PM20D2: variants seen among roughly 807,000 people sequenced by gnomAD.
The protein encoded by PM20D2 is peptidase M20 domain containing 2.
Under a neutral mutation model 42.9 loss-of-function variants are expected in PM20D2, and 33 were observed. The observed-to-expected ratio is 0.77, with a 90% CI of 0.58 to 1.03. The LOEUF is 1.03. PM20D2 is among the 50% of genes least tolerant of loss of function. PM20D2 has a pLI of 0.00. For missense variants in PM20D2, 548 were observed against 557.0 expected (o/e 0.98, Z 0.16); for synonymous variants, 250 against 228.2 (o/e 1.10, Z -0.86).
the PM20D2 span, among the ~76,000 whole-genome samples, chr6:89,132,056 G>T: frequency 6.6e-6 from 1 of 152,120 alleles, no homozygotes; most frequent in East Asian, 1.9e-4. Flanking sequence ...GTAATCAAAA[G>T]TACTGAGCCT....
the PM20D2 span, among the ~76,000 whole-genome samples, chr6:89,132,920 T>C: frequency 1.9e-3 from 281 of 150,372 alleles, 17 homozygotes; most frequent in African/African-American, 6.7e-3. Context: ...TTTTTTAGCA[T>C]TTTAAAAACT....
At chr6:89,106,929 C>T in the PM20D2 span, 2 of 566,468 alleles carry the variant, frequency 3.5e-6, no homozygotes, top group Admixed American at 2.2e-5. Context: ...ACTTTAGGTG[C>T]CTTTTGTCTC....
the PM20D2 span, among the ~76,000 whole-genome samples, chr6:89,101,109 C>CAAAAAAAAAA: frequency 1.8e-5 from 1 of 54,640 alleles, no homozygotes; most frequent in East Asian, 5.7e-4. Context: ...ACCTCCAAGA[C>CAAAAAAAAAA]AAAAAAAAAA....
rs552576517 is a variant in PM20D2 at position 89,164,351 on chromosome 6, G to C, written c.*2088G>C. Reference sequence around the variant, plus strand: ...GAGGAGTGCCTATTTCTAAGCACTGGGTGTAAGAAGAAAAGACACTTGCAA... The same window carrying C: ...GAGGAGTGCCTATTTCTAAGCACTGCGTGTAAGAAGAAAAGACACTTGCAA... On this transcript the variant is annotated 3_prime_UTR_variant, in exon 7 of 7. Transcript: ENST00000275072. 2 of 152,586 alleles carry C rather than the reference G, an allele frequency of 1.3e-5. No homozygotes were observed. The highest frequency in any genetic ancestry group is 4.8e-5 in the African/African-American group (2 of 41,512). 9.5% of individuals were successfully genotyped at this position (152,586 alleles called of 1,614,324 possible).
At chr6:89,115,541 T>G in the PM20D2 span, among the ~76,000 whole-genome samples, 81 of 150,730 alleles carry the variant, frequency 5.4e-4, 1 homozygote, top group African/African-American at 1.9e-3. Flanking sequence ...CTCGGTCTCC[T>G]AAAGTGCTGG....
the PM20D2 span, among the ~76,000 whole-genome samples, chr6:89,111,211 C>A: frequency 6.6e-6 from 1 of 151,768 alleles, no homozygotes; most frequent in Non-Finnish European, 1.5e-5. Flanking sequence ...CAGGTTCAAG[C>A]TATTCTCGTG....
chr6:89,130,819 C>CTTTTTTTTTTTTTTTTT, the PM20D2 span, among the ~76,000 whole-genome samples: 19 of 24,054 alleles, frequency 7.9e-4, 1 homozygote, highest in African/African-American at 2.4e-3. Context: ...GCTTCTTCTT[C>CTTTTTTTTTTTTTTTTT]TTTTTTTTTT....
At position 89,146,316 on chromosome 6, in the gene PM20D2, G is replaced by A. The variant is rs1435468181; in HGVS notation, c.172G>A (p.Ala58Thr). ...QPELAYEEHHAHRVLTHFFER... is the reference protein window; with the variant it reads ...QPELAYEEHHTHRVLTHFFER... ...CGAGCTGGCCTACGAGGAGCACCAT[G>A]CCCACCGCGTGCTGACGCACTTCTT... is the stretch of plus-strand genomic sequence containing the variant. The change falls in exon 1 of 7, where the codon GCC becomes ACC. Residue 58 changes from alanine (A) to threonine (T), a missense_variant. Around this residue, in one of 3 missense-constraint regions of PM20D2, gnomAD observed 470 missense variants for 464.4 expected, o/e 1.01. Coordinates refer to ENST00000275072, the MANE Select transcript of PM20D2 (RefSeq NM_001010853.3). The A allele has an allele frequency of 1.9e-6, 3 of 1,579,018 alleles. No homozygotes were observed. Among genetic ancestry groups the A allele is most frequent in the South Asian group, 1.1e-5 (1 of 88,088 alleles).
the PM20D2 span, among the ~76,000 whole-genome samples, chr6:89,120,587 A>C: frequency 6.6e-6 from 1 of 152,166 alleles, no homozygotes; most frequent in Non-Finnish European, 1.5e-5. Flanking sequence ...TATATTGGCC[A>C]GGCGTGGTGA....
chr6:89,115,355 C>T, the PM20D2 span, among the ~76,000 whole-genome samples: 2 of 152,066 alleles, frequency 1.3e-5, no homozygotes, highest in African/African-American at 2.4e-5. Context: ...GATCTCGGCT[C>T]ACTGCCAACC....
At chr6:89,125,207 G>A in the PM20D2 span, among the ~76,000 whole-genome samples, 4 of 152,202 alleles carry the variant, frequency 2.6e-5, no homozygotes, top group Non-Finnish European at 4.4e-5. Flanking sequence ...CTCACCGGGC[G>A]CGGTAGCTCA....
At chr6:89,115,164 C>T in the PM20D2 span, among the ~76,000 whole-genome samples, 1 of 152,056 alleles carries the variant, frequency 6.6e-6, no homozygotes, top group East Asian at 1.9e-4. Flanking sequence ...GTGATGTGAT[C>T]ATCGTTCACT....
chr6:89,117,518 A>C, the PM20D2 span, among the ~76,000 whole-genome samples: 1 of 152,146 alleles, frequency 6.6e-6, no homozygotes, highest in South Asian at 2.1e-4. Flanking sequence ...TGAGCTCGGG[A>C]GAGGGGCGCC....
At chr6:89,118,073 G>T in the PM20D2 span, 1 of 223,588 alleles carries the variant, frequency 4.5e-6, no homozygotes, top group South Asian at 1.6e-4. Flanking sequence ...CGCCAGCCTG[G>T]ACGCACGGGC....
intron 5 of PM20D2, among the ~76,000 whole-genome samples, 154 bp from the exon 6 acceptor site, chr6:89,161,627 AGT>A (rs1771239958): frequency 6.6e-6 from 1 of 152,218 alleles, no homozygotes; most frequent in Non-Finnish European, 1.5e-5. Context: ...TGGCAGACTC[AGT>A]GGAAGGTGAG....
Position 89,158,497 on chromosome 6 carries a change from G to A in PM20D2, c.1048+37G>A, listed in dbSNP as rs1167551776. 4.4e-6 allele frequency: 7 copies of A among 1,587,960 alleles called. No individual in the cohort carries two copies. The Middle Eastern group carries it at 8.3e-4, about 189-fold the overall frequency. On this transcript the variant is annotated intron_variant, in intron 5 of 6. Transcript: ENST00000275072. ...TTTTTTTATATATTGAGCTATTTGA[G>A]GAAGAGAAATACCATCTTTGGTTAA...
chr6:89,112,834 A>T, the PM20D2 span, among the ~76,000 whole-genome samples: 3 of 152,340 alleles, frequency 2.0e-5, no homozygotes, highest in East Asian at 3.9e-4. Context: ...TAATCTTATA[A>T]CAAAGCTGTC....
At chr6:89,125,553 G>A in the PM20D2 span, among the ~76,000 whole-genome samples, 1 of 151,908 alleles carries the variant, frequency 6.6e-6, no homozygotes, top group African/African-American at 2.4e-5. Flanking sequence ...GGCCAAGGCA[G>A]GTGGATTACC....
the PM20D2 span, among the ~76,000 whole-genome samples, chr6:89,112,825 A>G: frequency 6.6e-6 from 1 of 152,166 alleles, no homozygotes; most frequent in Non-Finnish European, 1.5e-5. Flanking sequence ...GTGGCCCCAT[A>G]ATCTTATAAC....
Sources: allele counts gnomAD v4.1 joint callset (sites outside exome capture counted in the v4.1 genomes callset), GRCh38; gene constraint gnomAD v4.1.1; regional missense constraint gnomAD v4.1.1; transcripts MANE v1.5; gene names NCBI Gene and HGNC (gene_info 2026-07-23, HGNC 2026-07-21).